The following ZBTB46 variants were observed in gnomAD, a reference collection of about 807,000 sequenced individuals.
ZBTB46 encodes zinc finger and BTB domain containing 46, also known as zinc finger and BTB domain-containing protein 46.
ZBTB46 carries 8 observed loss-of-function variants against 44.1 expected under a neutral mutation model. That is an observed-to-expected ratio of 0.18 (90% CI 0.11 to 0.33). ZBTB46 has a LOEUF of 0.33. ZBTB46 is among the 10% of genes least tolerant of loss of function. The pLI, the probability that ZBTB46 is intolerant of heterozygous loss-of-function variation, is 1.00. For synonymous variants in ZBTB46, 409 were observed against 382.3 expected, an observed-to-expected ratio of 1.07 and a Z score of -0.81; for missense variants, 651 against 847.7, an observed-to-expected ratio of 0.77 and a Z score of 2.88.
At chr20:63,826,694 C>T (rs1167790352) in intron 1 of ZBTB46, among the ~76,000 whole-genome samples, 2 of 152,232 alleles carry the variant, frequency 1.3e-5, no homozygotes, top group African/African-American at 4.8e-5. Context: ...CGCTGCACTC[C>T]AGCCTGCGCG....
At chr20:63,831,337 CG>C (rs2092850953), upstream of ZBTB46, 1 of 140,390 alleles carries the variant, frequency 7.1e-6, no homozygotes, top group Non-Finnish European at 1.6e-5. Context: ...ACCCTGACCC[CG>C]CCCCCCGGCG....
intron 1 of ZBTB46, among the ~76,000 whole-genome samples, chr20:63,820,711 C>T (rs1256074037): frequency 5.3e-5 from 8 of 152,008 alleles, no homozygotes; most frequent in Non-Finnish European, 1.5e-5. Context: ...GGATTACAGG[C>T]GTGAGCCACC....
chr20:63,757,643 A>G (rs1175376283), intron 3 of ZBTB46, among the ~76,000 whole-genome samples: 2 of 152,236 alleles, frequency 1.3e-5, no homozygotes, highest in Non-Finnish European at 1.5e-5. Flanking sequence ...TTCCTTTCCA[A>G]GATCACCTTA....
intron 2 of ZBTB46, among the ~76,000 whole-genome samples, chr20:63,785,106 C>T (rs914368118): frequency 6.6e-6 from 1 of 151,008 alleles, no homozygotes; most frequent in African/African-American, 2.4e-5. Flanking sequence ...GTGGTGGGCA[C>T]CTGTAGTCCC....
chr20:63,803,249 T>C lies in ZBTB46; in HGVS notation c.-33-12459A>G. 1 of 958,452 alleles carries C rather than the reference T, an allele frequency of 1.0e-6. No individual in the cohort carries two copies. The allele number at this position is 958,452 out of a possible 1,614,324, so 59.4% of individuals were successfully genotyped here. On this transcript the variant is annotated intron_variant, in intron 1 of 4. Coordinates refer to ENST00000245663, the MANE Select transcript of ZBTB46 (RefSeq NM_001369741.1). This position sits in a 1 kb window ranked among gnomAD's most constrained non-coding sequence, Gnocchi z 4.0. ...ACCTCCCCTCACACCAAGGCGTTCA[T>C]GGTTTACCTTCTTCTGAAAAAATTA...
At chr20:63,784,635 C>T (rs1401667405) in intron 2 of ZBTB46, among the ~76,000 whole-genome samples, 2 of 152,240 alleles carry the variant, frequency 1.3e-5, no homozygotes, top group African/African-American at 4.8e-5. Flanking sequence ...GAGAAGGAGA[C>T]GCCAGGGCCT....
chr20:63,809,151 G>A (rs1346383142), intron 1 of ZBTB46, among the ~76,000 whole-genome samples: 6 of 152,130 alleles, frequency 3.9e-5, no homozygotes, highest in Admixed American at 3.9e-4. Flanking sequence ...CAGCGCCTGG[G>A]GCACTTCGCC....
At chr20:63,808,504 C>T (rs1171222111) in intron 1 of ZBTB46, among the ~76,000 whole-genome samples, 1 of 152,144 alleles carries the variant, frequency 6.6e-6, no homozygotes, top group African/African-American at 2.4e-5. Flanking sequence ...AAGCCAGGCT[C>T]TTCCTCCTAG....
intron 1 of ZBTB46, among the ~76,000 whole-genome samples, chr20:63,820,243 G>A (rs1290512220): frequency 2.0e-5 from 3 of 151,464 alleles, no homozygotes; most frequent in Non-Finnish European, 2.9e-5. Context: ...ACAGGCACCC[G>A]CCACCACACC....
chr20:63,754,646 C>A (rs1030573624), intron 3 of ZBTB46, among the ~76,000 whole-genome samples: 1 of 150,674 alleles, frequency 6.6e-6, no homozygotes, highest in East Asian at 2.0e-4. Context: ...GTCACCCAGG[C>A]TGGAGTGCAG....
intron 1 of ZBTB46, among the ~76,000 whole-genome samples, chr20:63,800,647 A>G (rs11908565): frequency 0.18 from 27,895 of 152,158 alleles, 3,160 homozygotes; most frequent in East Asian, 0.45. Context: ...TGGCGGCCCC[A>G]CACTCGGAGC....
chr20:63,831,158 T>C lies in ZBTB46; in HGVS notation c.-95A>G, dbSNP rs2146121818. 1 of 137,922 alleles carries C rather than the reference T, an allele frequency of 7.3e-6. No homozygotes were observed. Among genetic ancestry groups the C allele is most frequent in the South Asian group, 2.3e-4 (1 of 4,304 alleles). The allele number at this position is 137,922 out of a possible 1,614,324, so 8.5% of individuals were successfully genotyped here. Reference sequence around the variant, plus strand: ...GCGGCCGCCGGGCCGGCGCCGGTGATCGCCGCCGCCGCCGGGAGGGCGCTG... The same window carrying C: ...GCGGCCGCCGGGCCGGCGCCGGTGACCGCCGCCGCCGCCGGGAGGGCGCTG... On this transcript the variant is annotated 5_prime_UTR_variant, in exon 1 of 5. Transcript: ENST00000245663.
chr20:63,779,400 C>T (rs537888398), intron 2 of ZBTB46, among the ~76,000 whole-genome samples: 38 of 133,890 alleles, frequency 2.8e-4, no homozygotes, highest in Admixed American at 2.4e-3. Context: ...GCCACCACGC[C>T]GGCTAATTTT....
rs368308719 is a variant in ZBTB46, at chr20:63,767,410, C to T, written c.1222+8268G>A. ...GGAGATGCCTTCACCTGGCAGCAGC[C>T]GGCAGAGGACTCGAGAAATGACCAC... On this transcript the variant is annotated intron_variant, in intron 3 of 4. Transcript: ENST00000245663. This position sits in a 1 kb window ranked among gnomAD's most constrained non-coding sequence, Gnocchi z 5.0. 2.2e-4 allele frequency among the ~76,000 whole-genome samples: 34 copies of T among 152,248 alleles called. No homozygotes were observed. In the South Asian group the frequency reaches 5.6e-3, roughly 25 times the overall value.
chr20:63,764,875 A>G (rs781227630), intron 3 of ZBTB46, among the ~76,000 whole-genome samples: 43 of 151,802 alleles, frequency 2.8e-4, no homozygotes, highest in Non-Finnish European at 5.6e-4. Flanking sequence ...CTGGGATTAC[A>G]GGTGTGAGCC....
chr20:63,752,943 A>G lies in ZBTB46; in HGVS notation c.1223-82T>C, dbSNP rs1028779980. On this transcript the variant is annotated intron_variant, in intron 3 of 4. Coordinates refer to ENST00000245663, the MANE Select transcript of ZBTB46 (RefSeq NM_001369741.1). The surrounding 1 kb of genome is among the most constrained non-coding windows in gnomAD (Gnocchi z 5.6). ...CCCACAGACCACGGCTGCACGCCGC[A>G]GCCCAGCAGCCAGGACGGGCTGTCT... The G allele has an allele frequency of 7.5e-6, 11 of 1,461,226 alleles. No individual in the cohort carries two copies. In the Admixed American group the frequency reaches 1.5e-4, roughly 20 times the overall value. The allele number at this position is 1,461,226 out of a possible 1,614,324, so 90.5% of individuals were successfully genotyped here.
At chr20:63,761,299 T>C (rs6010642) in intron 3 of ZBTB46, among the ~76,000 whole-genome samples, 79,863 of 151,218 alleles carry the variant, frequency 0.53, 22,352 homozygotes, top group African/African-American at 0.71. Context: ...ACACTCACCC[T>C]GATATCTATT....
In ZBTB46 at chr20:63,752,542, G is replaced by C. The variant is rs1222854088; in HGVS notation, c.1398+144C>G. ...GCAGAGCAGACAGGGGCCCGGGGCGGATCTCCCTGCCCTGCTGTCGTCCCC... is the reference window on the plus strand; with the variant it reads ...GCAGAGCAGACAGGGGCCCGGGGCGCATCTCCCTGCCCTGCTGTCGTCCCC... On this transcript the variant is annotated intron_variant, in intron 4 of 4. Coordinates refer to ENST00000245663, the MANE Select transcript of ZBTB46 (RefSeq NM_001369741.1). The surrounding 1 kb of genome is among the most constrained non-coding windows in gnomAD (Gnocchi z 5.6). 3 of 1,040,364 alleles carry C rather than the reference G, an allele frequency of 2.9e-6. No homozygotes were observed. Among genetic ancestry groups the C allele is most frequent in the Non-Finnish European group, 3.8e-6 (3 of 782,846 alleles). The allele number at this position is 1,040,364 out of a possible 1,614,324, so 64.4% of individuals were successfully genotyped here.
At chr20:63,801,926 T>C (rs543807086) in intron 1 of ZBTB46, among the ~76,000 whole-genome samples, 1 of 152,234 alleles carries the variant, frequency 6.6e-6, no homozygotes, top group South Asian at 2.1e-4. Context: ...TGCACGTAAA[T>C]TATGCCTCAA....
Sources: allele counts gnomAD v4.1 joint callset (sites outside exome capture counted in the v4.1 genomes callset), GRCh38; gene constraint gnomAD v4.1.1; non-coding constraint Gnocchi (gnomAD v3.1); transcripts MANE v1.5; gene names NCBI Gene and HGNC (gene_info 2026-07-23, HGNC 2026-07-21).